Variants in UNC79 observed in about 807,000 individuals in gnomAD.
UNC79 encodes the protein unc-79 subunit of NALCN channel complex, also known as protein unc-79 homolog.
UNC79 carries 37 observed loss-of-function variants against 283.1 expected under a neutral mutation model. The observed-to-expected ratio is 0.13, with a 90% CI of 0.10 to 0.17. The LOEUF is 0.17. Among genes scored for constraint, UNC79 ranks in the 10% least tolerant of loss-of-function variants. The pLI is 1.00. For missense variants in UNC79, 2,272 were observed against 3,211.1 expected, an observed-to-expected ratio of 0.71 and a Z score of 7.07; for synonymous variants, 1,107 against 1,200.2, an observed-to-expected ratio of 0.92 and a Z score of 1.61.
At chr14:93,662,567 C>A in intron 39 of UNC79, 37 bp from the exon 43 acceptor site, 1 of 1,329,262 alleles carries the variant, frequency 7.5e-7, no homozygotes, top group South Asian at 1.3e-5. Context: ...ATGAAGTAAT[C>A]AGCAATTGAC....
intron 14 of UNC79, among the ~76,000 whole-genome samples, chr14:93,567,024 A>G (rs1233407728): frequency 6.6e-6 from 1 of 152,208 alleles, no homozygotes; most frequent in Non-Finnish European, 1.5e-5. Context: ...TTTGGCCTAA[A>G]ACATACTTTA....
At chr14:93,664,506 G>T (rs2071950442) in intron 40 of UNC79, among the ~76,000 whole-genome samples, 1 of 152,116 alleles carries the variant, frequency 6.6e-6, no homozygotes, top group Admixed American at 6.5e-5. Context: ...GAAGTCTTGG[G>T]ATTATCCAGG....
intron 11 of UNC79, among the ~76,000 whole-genome samples, chr14:93,535,936 C>T (rs757336452): frequency 2.1e-4 from 32 of 152,232 alleles, no homozygotes; most frequent in African/African-American, 4.8e-5. Context: ...GTGGAGAACC[C>T]GCCTCTGGTC....
intron 31 of UNC79, among the ~76,000 whole-genome samples, chr14:93,636,233 A>G (rs971789239): frequency 6.6e-6 from 1 of 152,198 alleles, no homozygotes; most frequent in African/African-American, 2.4e-5. Context: ...AATCTTGTTC[A>G]TGTCACTCTG....
chr14:93,363,919 A>G (rs1353971340), intron 1 of UNC79, among the ~76,000 whole-genome samples: 2 of 151,904 alleles, frequency 1.3e-5, no homozygotes, highest in Non-Finnish European at 2.9e-5. Context: ...ACAGGGTTTC[A>G]CCTTGTTAGC....
intron 8 of UNC79, among the ~76,000 whole-genome samples, chr14:93,527,941 C>T (rs2060621381): frequency 6.6e-6 from 1 of 150,790 alleles, no homozygotes; most frequent in Admixed American, 6.6e-5. Flanking sequence ...TCAACCAGTT[C>T]CAGCAAGGGC....
chr14:93,686,788 T>C (rs915046030), intron 43 of UNC79, 127 bp downstream of exon 46: 1 of 978,944 alleles, frequency 1.0e-6, no homozygotes, highest in Non-Finnish European at 1.5e-6. Context: ...AATGAGCCCC[T>C]GTCTTGGGGG....
chr14:93,633,759 C>A (rs910039101), intron 31 of UNC79, among the ~76,000 whole-genome samples: 19 of 152,102 alleles, frequency 1.2e-4, no homozygotes, highest in African/African-American at 4.6e-4. Flanking sequence ...TTTGGAAATG[C>A]TAATAACTTG....
At chr14:93,342,715 T>C (rs908442818) in intron 1 of UNC79, among the ~76,000 whole-genome samples, 29 of 152,374 alleles carry the variant, frequency 1.9e-4, no homozygotes, top group African/African-American at 6.7e-4. Flanking sequence ...CATAAATGCA[T>C]ATGACTGTAT....
intron 1 of UNC79, among the ~76,000 whole-genome samples, chr14:93,460,328 T>A (rs1302837752): frequency 6.7e-6 from 1 of 149,432 alleles, no homozygotes; most frequent in Non-Finnish European, 1.5e-5. Context: ...ACCAACATGG[T>A]GAAACCCTGT....
At chr14:93,618,494 T>A (rs2066894007) in intron 29 of UNC79, 140 bp downstream of exon 30, 1 of 983,494 alleles carries the variant, frequency 1.0e-6, no homozygotes, top group Admixed American at 3.6e-5. Context: ...TTTCCAACTT[T>A]CCATGAATGT....
intron 14 of UNC79, among the ~76,000 whole-genome samples, chr14:93,550,224 G>A (rs950034843): frequency 6.6e-6 from 1 of 152,074 alleles, no homozygotes; most frequent in Non-Finnish European, 1.5e-5. Context: ...GCTAGTTTTC[G>A]TTGCCTTTCC....
intron 46 of UNC79, 146 bp downstream of exon 49, chr14:93,692,092 T>C: frequency 4.3e-6 from 4 of 939,656 alleles, no homozygotes; most frequent in Non-Finnish European, 6.3e-6. Context: ...AGCTGGATGT[T>C]CTGCTTGCAT....
At chr14:93,371,597 T>C (rs918040412) in intron 1 of UNC79, among the ~76,000 whole-genome samples, 13 of 152,074 alleles carry the variant, frequency 8.5e-5, no homozygotes, top group African/African-American at 3.1e-4. Context: ...TCCCAGCACT[T>C]TGGGAGGCCG....
Position 93,618,363 on chromosome 14 carries a change from C to T in UNC79, c.4387+9C>T, listed in dbSNP as rs1203800725. On this transcript the variant is annotated intron_variant, in intron 29 of 48. Coordinates refer to ENST00000555664, the Ensembl canonical transcript of UNC79. ...CAGCGAAAAAGAAAAAGGTACATAT[C>T]TAAATTCTATCCCAAACCTAGCTTC... The T allele has an allele frequency of 6.2e-7, 1 of 1,601,706 alleles. No homozygotes were observed. The highest frequency in any genetic ancestry group is 1.1e-5 in the South Asian group (1 of 89,132).
chr14:93,377,282 G>A (rs939112495), intron 1 of UNC79, among the ~76,000 whole-genome samples: 4 of 152,010 alleles, frequency 2.6e-5, no homozygotes, highest in African/African-American at 7.2e-5. Context: ...TTTTAGTAGA[G>A]ATGGGGTTTC....
At chr14:93,480,068 ATTTG>A (rs1406803781) in intron 4 of UNC79, among the ~76,000 whole-genome samples, 2 of 152,210 alleles carry the variant, frequency 1.3e-5, no homozygotes, top group Non-Finnish European at 2.9e-5. Context: ...ATAGCTGACA[ATTTG>A]TTTCTTTACA....
intron 30 of UNC79, among the ~76,000 whole-genome samples, chr14:93,623,108 A>G (rs1197102410): frequency 1.3e-5 from 2 of 152,236 alleles, no homozygotes; most frequent in Non-Finnish European, 2.9e-5. Context: ...AATGAGATGC[A>G]TTGGTTAATT....
intron 47 of UNC79, among the ~76,000 whole-genome samples, chr14:93,700,737 G>A (rs987519629): frequency 1.2e-4 from 18 of 152,128 alleles, no homozygotes; most frequent in Non-Finnish European, 1.5e-4. Context: ...AGCAATTTTT[G>A]TAGGGCACGT....
Sources: gnomAD v4.1 joint callset for allele counts (sites outside exome capture counted in the v4.1 genomes callset) on GRCh38, gnomAD v4.1.1 for gene constraint, MANE v1.5 for transcripts, NCBI Gene and HGNC (gene_info 2026-07-23, HGNC 2026-07-21) for gene names.